Variants in EXOC6B observed in about 807,000 individuals in gnomAD.
EXOC6B encodes the protein exocyst complex component 6B, also known as SEC15 homolog B.
EXOC6B carries 54 observed loss-of-function variants against 113.5 expected under a neutral mutation model. The ratio of observed to expected loss-of-function variants is 0.48; its 90% confidence interval spans 0.38 to 0.60. EXOC6B has a LOEUF of 0.60. Among genes scored for constraint, EXOC6B ranks in the 20% least tolerant of loss-of-function variants. EXOC6B has a pLI of 0.00. For synonymous variants in EXOC6B, 357 were observed against 339.0 expected, an observed-to-expected ratio of 1.05 and a Z score of -0.58; for missense variants, 797 against 977.5, an observed-to-expected ratio of 0.82 and a Z score of 2.46.
intron 20 of EXOC6B, among the ~76,000 whole-genome samples, chr2:72,212,601 C>A (rs1271634679): frequency 3.9e-5 from 6 of 152,062 alleles, no homozygotes; most frequent in South Asian, 2.1e-4. Context: ...GGAAATGGAC[C>A]AAGAATTTGC....
At chr2:72,614,541 A>T (rs1297487344) in intron 6 of EXOC6B, among the ~76,000 whole-genome samples, 3 of 152,202 alleles carry the variant, frequency 2.0e-5, no homozygotes, top group Non-Finnish European at 4.4e-5. Flanking sequence ...GGACCATAGC[A>T]TCAACAAATA....
At chr2:72,771,339 C>T (rs1443126002) in intron 1 of EXOC6B, among the ~76,000 whole-genome samples, 1 of 152,080 alleles carries the variant, frequency 6.6e-6, no homozygotes, top group Non-Finnish European at 1.5e-5. Flanking sequence ...TTTTATCATT[C>T]TCTCCCTACA....
intron 20 of EXOC6B, among the ~76,000 whole-genome samples, chr2:72,185,167 A>C (rs1678342820): frequency 6.6e-6 from 1 of 152,250 alleles, no homozygotes; most frequent in South Asian, 2.1e-4. Context: ...TAGAGGGAGA[A>C]CCCTCACAGT....
intron 6 of EXOC6B, among the ~76,000 whole-genome samples, chr2:72,657,586 T>G (rs1471015049): frequency 2.9e-5 from 4 of 137,420 alleles, no homozygotes; most frequent in Non-Finnish European, 4.7e-5. Context: ...TTTTTTTTTT[T>G]TTTTTTTTGT....
At chr2:72,541,669 C>T (rs1023008788) in intron 8 of EXOC6B, among the ~76,000 whole-genome samples, 18 of 152,154 alleles carry the variant, frequency 1.2e-4, no homozygotes, top group African/African-American at 4.3e-4. Flanking sequence ...TTTCTCATTG[C>T]ATTCTTTAAA....
chr2:72,269,139 G>A (rs936575109), intron 20 of EXOC6B, among the ~76,000 whole-genome samples: 3 of 151,628 alleles, frequency 2.0e-5, no homozygotes, highest in African/African-American at 7.3e-5. Context: ...CTTTAACTAT[G>A]TTTCTTTTAT....
chr2:72,803,444 T>G (rs1459594579), intron 1 of EXOC6B, among the ~76,000 whole-genome samples: 5 of 152,168 alleles, frequency 3.3e-5, no homozygotes, highest in African/African-American at 9.7e-5. Flanking sequence ...ATCTAAGCAT[T>G]GTCATCTCAA....
At chr2:72,640,725 T>C (rs1673164492) in intron 6 of EXOC6B, among the ~76,000 whole-genome samples, 1 of 152,090 alleles carries the variant, frequency 6.6e-6, no homozygotes, top group African/African-American at 2.4e-5. Context: ...GCCCCCAATA[T>C]TGAATGTTGA....
chr2:72,719,683 A>G (rs1679871751), intron 5 of EXOC6B, among the ~76,000 whole-genome samples: 1 of 152,244 alleles, frequency 6.6e-6, no homozygotes, highest in Non-Finnish European at 1.5e-5. Context: ...ACCAATCATT[A>G]GCTGATGACT....
chr2:72,339,188 A>G (rs1412299068), intron 19 of EXOC6B, among the ~76,000 whole-genome samples: 1 of 152,106 alleles, frequency 6.6e-6, no homozygotes, highest in East Asian at 1.9e-4. Flanking sequence ...TGCATCCACA[A>G]ATTGATTATA....
At chr2:72,212,053 G>A (rs959351801) in intron 20 of EXOC6B, among the ~76,000 whole-genome samples, 13 of 152,056 alleles carry the variant, frequency 8.5e-5, no homozygotes, top group Non-Finnish European at 1.9e-4. Context: ...CCATTGCTTT[G>A]GAATATGCAG....
intron 7 of EXOC6B, among the ~76,000 whole-genome samples, chr2:72,570,011 T>C (rs1020983418): frequency 6.6e-6 from 1 of 152,166 alleles, no homozygotes; most frequent in Non-Finnish European, 1.5e-5. Context: ...ACTATAATTG[T>C]GCTCCCCCGC....
intron 1 of EXOC6B, 86 bp from the exon 2 acceptor site, chr2:72,741,555 G>T (rs887806967): frequency 4.2e-6 from 5 of 1,201,488 alleles, no homozygotes; most frequent in Admixed American, 2.4e-5. Flanking sequence ...CAAATTTAGG[G>T]CACATAAGCC....
intron 6 of EXOC6B, among the ~76,000 whole-genome samples, chr2:72,613,460 T>C (rs1168065958): frequency 6.6e-6 from 1 of 151,836 alleles, no homozygotes; most frequent in African/African-American, 2.4e-5. Flanking sequence ...GAAAATGCAA[T>C]AAAAAGCCCA....
At chr2:72,195,619 A>G (rs1194704861) in intron 20 of EXOC6B, among the ~76,000 whole-genome samples, 1 of 152,196 alleles carries the variant, frequency 6.6e-6, no homozygotes, top group African/African-American at 2.4e-5. Context: ...TCTGGACAAA[A>G]TGACTAAGTG....
intron 18 of EXOC6B, among the ~76,000 whole-genome samples, chr2:72,410,727 ATATT>A (rs1694119178): frequency 6.6e-6 from 1 of 152,218 alleles, no homozygotes; most frequent in Admixed American, 6.5e-5. Context: ...TTGGTTGTAA[ATATT>A]TATATTTAAG....
At chr2:72,765,567 G>A (rs1683008543) in intron 1 of EXOC6B, among the ~76,000 whole-genome samples, 1 of 152,142 alleles carries the variant, frequency 6.6e-6, no homozygotes, top group South Asian at 2.1e-4. Flanking sequence ...CAGCTACTGG[G>A]GAGGCTGAGG....
chr2:72,446,177 T>C (rs1053659494), intron 18 of EXOC6B, among the ~76,000 whole-genome samples: 2 of 152,136 alleles, frequency 1.3e-5, no homozygotes, highest in Non-Finnish European at 2.9e-5. Context: ...CATTTTGCCA[T>C]AAAGACACAT....
At chr2:72,733,161 T>G in intron 2 of EXOC6B, 43 bp from the exon 3 acceptor site, 1 of 1,365,576 alleles carries the variant, frequency 7.3e-7, no homozygotes, top group Non-Finnish European at 1.0e-6. Context: ...AACAAACATT[T>G]AGACAATAGT....
Sources: allele counts gnomAD v4.1 joint callset (sites outside exome capture counted in the v4.1 genomes callset), GRCh38; gene constraint gnomAD v4.1.1; transcripts MANE v1.5; gene names NCBI Gene and HGNC (gene_info 2026-07-23, HGNC 2026-07-21).